DCDC1: variants seen among roughly 807,000 people sequenced by gnomAD.
The protein encoded by DCDC1 is doublecortin domain-containing protein 1.
Under a neutral mutation model 178.3 loss-of-function variants are expected in DCDC1, and 200 were observed. The observed-to-expected ratio is 1.12, with a 90% CI of 1.00 to 1.26. The LOEUF is 1.26. DCDC1 is among the 50% of genes most tolerant of loss of function. The pLI, the probability that DCDC1 is intolerant of heterozygous loss-of-function variation, is 0.00. For missense variants in DCDC1, 1,983 were observed against 1,749.2 expected, an observed-to-expected ratio of 1.13 and a Z score of -2.38; for synonymous variants, 690 against 604.8, an observed-to-expected ratio of 1.14 and a Z score of -2.07.
At chr11:31,281,134 T>A in intron 7 of DCDC1, 1 of 351,422 alleles carries the variant, frequency 2.8e-6, no homozygotes, top group South Asian at 3.1e-5. Flanking sequence ...ATTCCTTAGT[T>A]CTACTAGCTT....
chr11:30,873,429 T>C (rs866258595), intron 38 of DCDC1, among the ~76,000 whole-genome samples: 1 of 151,238 alleles, frequency 6.6e-6, no homozygotes, highest in African/African-American at 2.4e-5. Context: ...GAAAAACTAA[T>C]TTTCTTTGTA....
At chr11:31,107,592 T>C (rs192142545) in intron 12 of DCDC1, among the ~76,000 whole-genome samples, 3 of 152,358 alleles carry the variant, frequency 2.0e-5, no homozygotes, top group African/African-American at 7.2e-5. Context: ...ATATTTAAGA[T>C]AATAGCATTA....
intron 16 of DCDC1, among the ~76,000 whole-genome samples, chr11:31,092,290 T>C (rs1957865518): frequency 6.6e-6 from 1 of 152,230 alleles, no homozygotes; most frequent in African/African-American, 2.4e-5. Context: ...AACATGATGA[T>C]GACTGATGAC....
chr11:31,156,217 A>T (rs1444164618), intron 9 of DCDC1, among the ~76,000 whole-genome samples: 1 of 152,264 alleles, frequency 6.6e-6, no homozygotes, highest in African/African-American at 2.4e-5. Context: ...ATTTTGAAAT[A>T]CAGATCTACT....
intron 26 of DCDC1, 86 bp from the exon 27 acceptor site, chr11:30,915,797 G>C: frequency 7.2e-7 from 1 of 1,389,242 alleles, no homozygotes; most frequent in Non-Finnish European, 9.9e-7. Flanking sequence ...TATAAGTTCT[G>C]TTGGTGAGAG....
At chr11:30,924,790 C>T (rs1048434587) in intron 23 of DCDC1, among the ~76,000 whole-genome samples, 2 of 151,802 alleles carry the variant, frequency 1.3e-5, no homozygotes, top group African/African-American at 4.8e-5. Flanking sequence ...TAGATTAATT[C>T]GGCCGGGCGC....
At chr11:31,079,044 C>T (rs1041810107) in intron 17 of DCDC1, among the ~76,000 whole-genome samples, 3 of 152,058 alleles carry the variant, frequency 2.0e-5, no homozygotes, top group Non-Finnish European at 2.9e-5. Flanking sequence ...CCTTGACATT[C>T]CTTGAGTGAT....
intron 10 of DCDC1, among the ~76,000 whole-genome samples, chr11:31,131,420 A>T (rs1359742206): frequency 6.6e-6 from 1 of 152,156 alleles, no homozygotes; most frequent in Non-Finnish European, 1.5e-5. Context: ...TAGTACTGTT[A>T]ATTCTACAAG....
At chr11:30,994,137 T>C (rs1381569528) in intron 20 of DCDC1, among the ~76,000 whole-genome samples, 1 of 152,136 alleles carries the variant, frequency 6.6e-6, no homozygotes, top group Non-Finnish European at 1.5e-5. Context: ...CAATGCAAGA[T>C]TGTTCAATAT....
intron 26 of DCDC1, among the ~76,000 whole-genome samples, chr11:30,916,296 T>C (rs1254688199): frequency 1.3e-5 from 2 of 152,232 alleles, no homozygotes; most frequent in Non-Finnish European, 2.9e-5. Context: ...TAAATTAATC[T>C]ATAAACATCT....
At chr11:31,031,983 T>C (rs1475152394) in intron 20 of DCDC1, among the ~76,000 whole-genome samples, 1 of 152,174 alleles carries the variant, frequency 6.6e-6, no homozygotes, top group Non-Finnish European at 1.5e-5. Context: ...ATATATTTAG[T>C]TAAATCAAGT....
intron 6 of DCDC1, among the ~76,000 whole-genome samples, chr11:31,291,360 A>C (rs936679160): frequency 6.6e-6 from 1 of 152,078 alleles, no homozygotes; most frequent in South Asian, 2.1e-4. Flanking sequence ...GACTAGAAGG[A>C]AGGTGCCTTC....
intron 20 of DCDC1, among the ~76,000 whole-genome samples, chr11:30,995,922 A>G (rs1005942994): frequency 6.6e-6 from 1 of 152,170 alleles, no homozygotes; most frequent in Non-Finnish European, 1.5e-5. Context: ...AATTTAAATT[A>G]GACGTTATCA....
At chr11:31,063,294 A>G (rs532252993) in intron 20 of DCDC1, among the ~76,000 whole-genome samples, 106 of 152,142 alleles carry the variant, frequency 7.0e-4, no homozygotes, top group African/African-American at 2.4e-3. Context: ...TCAGTGTGGC[A>G]ATTCCTCAGG....
intron 9 of DCDC1, among the ~76,000 whole-genome samples, chr11:31,166,858 C>T (rs753367592): frequency 4.6e-5 from 7 of 152,068 alleles, no homozygotes; most frequent in Admixed American, 2.0e-4. Context: ...CTTTCTCCTT[C>T]TTACTGCTTG....
rs1005512915 is a variant in DCDC1, at chr11:30,903,647, T to C, written c.4345A>G (p.Arg1449Gly). 1.9e-6 allele frequency: 3 copies of C among 1,609,930 alleles called. No individual in the cohort carries two copies. In the African/African-American group the frequency reaches 4.0e-5, roughly 22 times the overall value. Residue 1449 changes from arginine (R) to glycine (G), a missense_variant, in exon 32 of 39, where the codon AGA becomes GGA. Arg to Gly is a moderately radical substitution (Grantham distance 125, BLOSUM62 -2). Transcript: ENST00000684477. The part of the protein sequence containing the change: ...TECTEQLGLA[R>G]AASKVYTKDG... ...TTGGTATATACTTTGGAGGCTGCTCTGGCAAGCCCAAGTTGTTCCGTGCAT... is the reference window on the plus strand; with the variant it reads ...TTGGTATATACTTTGGAGGCTGCTCCGGCAAGCCCAAGTTGTTCCGTGCAT...
At chr11:31,041,957 A>G (rs1202784838) in intron 20 of DCDC1, among the ~76,000 whole-genome samples, 1 of 152,236 alleles carries the variant, frequency 6.6e-6, no homozygotes, top group East Asian at 1.9e-4. Flanking sequence ...ATCACCGAAC[A>G]CCATGTAAAG....
chr11:31,173,045 CACTCA>C (rs1295034634), intron 9 of DCDC1, among the ~76,000 whole-genome samples: 1 of 152,198 alleles, frequency 6.6e-6, no homozygotes, highest in Non-Finnish European at 1.5e-5. Flanking sequence ...ACTACTACAT[CACTCA>C]GTTCTCAAAG....
intron 9 of DCDC1, among the ~76,000 whole-genome samples, chr11:31,183,858 T>C (rs541620666): frequency 6.6e-6 from 1 of 152,332 alleles, no homozygotes; most frequent in South Asian, 2.1e-4. Context: ...ATGGCCATAC[T>C]GCCCAAAGTA....
Sources: gnomAD v4.1 joint callset for allele counts (sites outside exome capture counted in the v4.1 genomes callset) on GRCh38, gnomAD v4.1.1 for gene constraint, MANE v1.5 for transcripts, NCBI Gene and HGNC (gene_info 2026-07-23, HGNC 2026-07-21) for gene names.